SNX19: variants seen among roughly 807,000 people sequenced by gnomAD.
SNX19 encodes sorting nexin-19.
In SNX19, 60 loss-of-function variants were observed where a neutral mutation model predicts 85.2. The observed-to-expected ratio is 0.70, with a 90% confidence interval of 0.57 to 0.87. The LOEUF is 0.87. Among genes scored for constraint, SNX19 ranks in the 40% least tolerant of loss-of-function variants. The pLI, the probability that SNX19 is intolerant of heterozygous loss-of-function variation, is 0.00. For synonymous variants in SNX19, 520 were observed against 470.0 expected (o/e 1.11, Z -1.38); for missense variants, 1,201 against 1,217.8 (o/e 0.99, Z 0.21).
chr11:130,881,125 C>T (rs779692897), intron 8 of SNX19: 13 of 220,838 alleles, frequency 5.9e-5, no homozygotes, highest in African/African-American at 2.5e-4. Flanking sequence ...TTGAACCTCC[C>T]GGCCTTTAGA....
intron 8 of SNX19, among the ~76,000 whole-genome samples, chr11:130,886,171 C>T (rs1944052186): frequency 6.6e-6 from 1 of 152,068 alleles, no homozygotes; most frequent in Non-Finnish European, 1.5e-5. Flanking sequence ...GGTTGTAGCG[C>T]AATGTTTTTC....
chr11:130,910,374 C>CAAAA lies in SNX19; in HGVS notation c.1814-5_1814-4insTTTT. ...AGCTTTTTAGGACCCTTCACATCTT[C>CAAAA]CAAAAAAAAAAAAAATCAAAATATT... On this transcript the variant is annotated splice_region_variant and splice_polypyrimidine_tract_variant and intron_variant, in intron 2 of 10. Transcript: ENST00000265909. The CAAAA allele has an allele frequency of 1.0e-6, 1 of 986,880 alleles. No homozygotes were observed. The highest frequency in any genetic ancestry group is 2.0e-5 in the South Asian group (1 of 49,136). 61.1% of individuals were successfully genotyped at this position (986,880 alleles called of 1,614,324 possible).
At position 130,914,783 on chromosome 11, in the gene SNX19, A is replaced by C. The variant is rs539972955; in HGVS notation, c.1157T>G (p.Met386Arg). 1.1e-5 allele frequency: 17 copies of C among 1,614,242 alleles called. No individual in the cohort carries two copies. Among genetic ancestry groups the C allele is most frequent in the African/African-American group, 6.7e-5 (5 of 75,058 alleles). Residue 386 changes from methionine to arginine, a missense_variant, in exon 1 of 11, where the codon ATG becomes AGG. Coordinates refer to ENST00000265909, the MANE Select transcript of SNX19 (RefSeq NM_014758.3). Reference sequence around the variant, plus strand: ...GAGAAAGCTGCCTGGAGTCATGAGCATGATGGTTTCTTTGCCCAGTTCAGA... The same window carrying C: ...GAGAAAGCTGCCTGGAGTCATGAGCCTGATGGTTTCTTTGCCCAGTTCAGA... ...PLSELGKETI[M>R]LMTPGSFLSD...
At chr11:130,900,053 C>T (rs1945153784) in intron 8 of SNX19, among the ~76,000 whole-genome samples, 1 of 152,172 alleles carries the variant, frequency 6.6e-6, no homozygotes, top group Non-Finnish European at 1.5e-5. Flanking sequence ...ACCCAGCTCA[C>T]TGGAGTTGTG....
At chr11:130,909,542 C>T (rs1945926359) in intron 4 of SNX19, among the ~76,000 whole-genome samples, 1 of 152,196 alleles carries the variant, frequency 6.6e-6, no homozygotes, top group South Asian at 2.1e-4. Flanking sequence ...CTGAGATAAC[C>T]TCTTGAAAAA....
At chr11:130,904,500 C>G (rs777825195) in intron 7 of SNX19, among the ~76,000 whole-genome samples, 9 of 150,472 alleles carry the variant, frequency 6.0e-5, no homozygotes, top group Non-Finnish European at 1.3e-4. Context: ...GATTTCTAAT[C>G]ATCTTCTCAA....
chr11:130,914,170 A>T, intron 1 of SNX19, 96 bp downstream of exon 1: 1 of 1,045,730 alleles, frequency 9.6e-7, no homozygotes, highest in South Asian at 1.7e-5. Flanking sequence ...ACCACTTCAA[A>T]CTAACAGCAT....
At chr11:130,882,049 C>T (rs1358515252) in intron 8 of SNX19, among the ~76,000 whole-genome samples, 1 of 152,130 alleles carries the variant, frequency 6.6e-6, no homozygotes, top group Non-Finnish European at 1.5e-5. Flanking sequence ...ATCTTACTTT[C>T]AAAAATGAGT....
intron 7 of SNX19, 134 bp downstream of exon 7, chr11:130,905,819 A>T (rs752340099): frequency 1.9e-5 from 29 of 1,551,060 alleles, no homozygotes; most frequent in Non-Finnish European, 2.5e-5. Flanking sequence ...AGCACCTCCA[A>T]CACTGGAGTT....
chr11:130,905,944 G>A lies in SNX19; in HGVS notation c.2443+9C>T, dbSNP rs370356408. On this transcript the variant is annotated intron_variant, in intron 7 of 10. Transcript: ENST00000265909. ...CCTTCTCCATGGGAGCAGAGACCTCGCCACTCACCTGGATCGCTGTTGCTG... is the reference window on the plus strand; with the variant it reads ...CCTTCTCCATGGGAGCAGAGACCTCACCACTCACCTGGATCGCTGTTGCTG... 6.8e-6 allele frequency: 11 copies of A among 1,614,034 alleles called. No homozygotes were observed. In the African/African-American group the frequency reaches 9.3e-5, roughly 14 times the overall value.
chr11:130,890,890 C>CTTTTT (rs10678203), intron 8 of SNX19, among the ~76,000 whole-genome samples: 7 of 143,030 alleles, frequency 4.9e-5, no homozygotes, highest in Non-Finnish European at 4.5e-5. Context: ...GGATTTGGGT[C>CTTTTT]TTTTTTTTTT....
At chr11:130,888,638 A>G (rs959271478) in intron 8 of SNX19, among the ~76,000 whole-genome samples, 7 of 152,280 alleles carry the variant, frequency 4.6e-5, no homozygotes, top group Admixed American at 1.3e-4. Context: ...CTGCTTCAGA[A>G]ATTTCCAGAA....
rs557144949 is a variant in SNX19 at position 130,914,946 on chromosome 11, C to T, written c.994G>A (p.Gly332Ser). The T allele has an allele frequency of 6.2e-7, 1 of 1,607,920 alleles. No homozygotes were observed. The highest frequency in any genetic ancestry group is 1.7e-5 in the Admixed American group (1 of 59,962). ...AAATCTCCCTCTACAGCTTCGTGGC[C>T]TTCTTCAACCTCTGGAGAGGGGCCT... ...SAGPSPEVEE[G>S]HEAVEGDLGG... The change falls in exon 1 of 11, where the codon GGC (glycine) becomes AGC (serine). Residue 332 changes from glycine to serine, a missense_variant. Gly to Ser is a moderately conservative substitution (Grantham distance 56). Around this residue, in one of 3 missense-constraint regions of SNX19, gnomAD observed 791 missense variants for 750.9 expected, o/e 1.05. Transcript: ENST00000265909.
At position 130,914,780 on chromosome 11, in the gene SNX19, A is replaced by G. The variant is rs1158175244; in HGVS notation, c.1160T>C (p.Leu387Pro). 6.2e-7 allele frequency: 1 copy of G among 1,614,202 alleles called. No homozygotes were observed. The highest frequency in any genetic ancestry group is 1.7e-5 in the Admixed American group (1 of 60,032). ...AGAGAGAAAGCTGCCTGGAGTCATG[A>G]GCATGATGGTTTCTTTGCCCAGTTC... is the stretch of plus-strand genomic sequence containing the variant. ...LSELGKETIM[L>P]MTPGSFLSDR... Residue 387 changes from leucine (L) to proline (P), a missense_variant, in exon 1 of 11, where the codon CTC (leucine) becomes CCC (proline). Leu to Pro is a moderately conservative substitution (Grantham distance 98). This residue lies in a region of SNX19 where 791 missense variants were observed against 750.9 expected (regional missense o/e 1.05). Coordinates refer to ENST00000265909, the MANE Select transcript of SNX19 (RefSeq NM_014758.3).
At chr11:130,881,548 C>T (rs973150731) in intron 8 of SNX19, among the ~76,000 whole-genome samples, 5 of 152,210 alleles carry the variant, frequency 3.3e-5, no homozygotes, top group Admixed American at 6.5e-5. Context: ...TTCACAGCTA[C>T]GGACTTAGCG....
At position 130,866,289 on chromosome 11, in the gene SNX19, A is replaced by G. The variant is rs1200034733; in HGVS notation, c.*12133T>C. On this transcript the variant is annotated 3_prime_UTR_variant, in exon 11 of 11. Transcript: ENST00000265909. ...TATTTACTAAGCATTTTTTATGTGC[A>G]GGAGAGAGTACAAACCAACATGCAA... 1 of 152,246 alleles carries G rather than the reference A, an allele frequency of 6.6e-6. No individual in the cohort carries two copies. The highest frequency in any genetic ancestry group is 1.9e-4 in the East Asian group (1 of 5,202). The allele number at this position is 152,246 out of a possible 1,614,324, so 9.4% of individuals were successfully genotyped here.
rs1043508580 is a variant in SNX19, at chr11:130,903,357, G to C, written c.2471C>G (p.Ala824Gly). The part of the protein sequence containing the change: ...PGTETELADT[A>G]LDLLLLLLTE... ...TAGTAGCAAGAGGAGCAGATCCAGGGCTGTGTCAGCTAACTCTGTCTCTGT... is the reference window on the plus strand; with the variant it reads ...TAGTAGCAAGAGGAGCAGATCCAGGCCTGTGTCAGCTAACTCTGTCTCTGT... Residue 824 changes from alanine (A) to glycine (G), a missense_variant, in exon 8 of 11, where the codon GCC (alanine) becomes GGC (glycine). Physicochemically the swap from Ala to Gly is moderately conservative, Grantham distance 60. This residue lies in a region of SNX19 where 285 missense variants were observed against 295.3 expected (regional missense o/e 0.97). Coordinates refer to ENST00000265909, the MANE Select transcript of SNX19 (RefSeq NM_014758.3). The C allele has an allele frequency of 6.2e-6, 10 of 1,612,702 alleles. No homozygotes were observed. The highest frequency in any genetic ancestry group is 1.3e-5 in the African/African-American group (1 of 74,864).
chr11:130,867,285 A>G lies in SNX19; in HGVS notation c.*11137T>C, dbSNP rs891118368. The G allele has an allele frequency of 3.3e-5, 5 of 152,218 alleles. No homozygotes were observed. The highest frequency in any genetic ancestry group is 2.1e-4 in the South Asian group (1 of 4,834). The allele number at this position is 152,218 out of a possible 1,614,324, so 9.4% of individuals were successfully genotyped here. A position where few individuals can be genotyped will look rare whatever the true frequency, so the allele number is the denominator to read the frequency against. ...GGATATGAAATACTTTGTGATATAG[A>G]AAGTCCTATACATGTGTGAAGTCTT... On this transcript the variant is annotated 3_prime_UTR_variant, in exon 11 of 11. Coordinates refer to ENST00000265909, the MANE Select transcript of SNX19 (RefSeq NM_014758.3).
chr11:130,888,661 G>A (rs7107595), intron 8 of SNX19, among the ~76,000 whole-genome samples: 64,153 of 151,994 alleles, frequency 0.42, 14,007 homozygotes, highest in South Asian at 0.56. Flanking sequence ...AAATGTTGGG[G>A]TCAAGAACCT....
Sources: allele counts gnomAD v4.1 joint callset (sites outside exome capture counted in the v4.1 genomes callset), GRCh38; gene constraint gnomAD v4.1.1; regional missense constraint gnomAD v4.1.1; transcripts MANE v1.5; gene names NCBI Gene and HGNC (gene_info 2026-07-23, HGNC 2026-07-21).